Variants in MCHR2 observed in about 807,000 individuals in gnomAD.
MCHR2 encodes melanin-concentrating hormone receptor 2.
MCHR2 carries 15 observed loss-of-function variants against 24.8 expected under a neutral mutation model. The ratio of observed to expected loss-of-function variants is 0.60; its 90% confidence interval spans 0.40 to 0.93. The LOEUF (loss-of-function observed/expected upper bound fraction) is 0.93. Among genes scored for constraint, MCHR2 ranks in the 40% least tolerant of loss-of-function variants. The probability of loss-of-function intolerance (pLI) is 0.00; values close to 1 mark genes in which losing one functional copy is unlikely to be tolerated. For synonymous variants in MCHR2, 151 were observed against 147.6 expected, an observed-to-expected ratio of 1.02 and a Z score of -0.17; for missense variants, 386 against 408.7, an observed-to-expected ratio of 0.94 and a Z score of 0.48.
intron 5 of MCHR2, among the ~76,000 whole-genome samples, chr6:99,933,015 C>T (rs1262772623): frequency 1.4e-5 from 2 of 147,068 alleles, no homozygotes; most frequent in Non-Finnish European, 3.1e-5. Flanking sequence ...TACTATATCT[C>T]TACTATCTAC....
At chr6:99,923,044 T>G (rs1039127211) in intron 5 of MCHR2, among the ~76,000 whole-genome samples, 4 of 152,202 alleles carry the variant, frequency 2.6e-5, no homozygotes, top group African/African-American at 9.6e-5. Context: ...CTTTCCATTT[T>G]TTGGTGTCCT....
At chr6:99,958,562 G>T (rs1394052774) in intron 1 of MCHR2, among the ~76,000 whole-genome samples, 1 of 151,714 alleles carries the variant, frequency 6.6e-6, no homozygotes, top group African/African-American at 2.4e-5. Context: ...TTCATTAAAA[G>T]ACACCATCAA....
chr6:99,940,990 C>T (rs1379295249), intron 4 of MCHR2, among the ~76,000 whole-genome samples: 2 of 152,140 alleles, frequency 1.3e-5, no homozygotes, highest in African/African-American at 4.8e-5. Context: ...CCTACTTTGT[C>T]TCTGCCTGTT....
chr6:99,973,110 G>T (rs1440294990), intron 1 of MCHR2, among the ~76,000 whole-genome samples: 1 of 151,466 alleles, frequency 6.6e-6, no homozygotes, highest in African/African-American at 2.4e-5. Flanking sequence ...TCAATTCCTG[G>T]GTATCCTTGT....
rs111841511 is a variant in MCHR2 at position 99,984,167 on chromosome 6, T to C, written c.-28+9769A>G. Among the ~76,000 whole-genome samples the C allele has an allele frequency of 2.0e-5, 3 of 152,294 alleles. 1 individual carries two copies. The highest frequency in any genetic ancestry group is 7.2e-5 in the African/African-American group (3 of 41,580). Reference sequence around the variant, plus strand: ...ATGCACATACACATATATACATACATATATATACACTTATACATGAAAGAG... The same window carrying C: ...ATGCACATACACATATATACATACACATATATACACTTATACATGAAAGAG... On this transcript the variant is annotated intron_variant, in intron 1 of 5. Transcript: ENST00000281806.
chr6:99,935,655 T>C (rs980365131), intron 4 of MCHR2, among the ~76,000 whole-genome samples: 6 of 152,058 alleles, frequency 3.9e-5, no homozygotes, highest in African/African-American at 1.4e-4. Flanking sequence ...TTGTGAACAG[T>C]ACAGCAATAA....
At chr6:99,983,993 C>G (rs1775721378) in intron 1 of MCHR2, among the ~76,000 whole-genome samples, 1 of 152,046 alleles carries the variant, frequency 6.6e-6, no homozygotes, top group Non-Finnish European at 1.5e-5. Flanking sequence ...ATTAGGTATT[C>G]TTTAGCTGGT....
chr6:99,921,355 AGTGAAATATG>A, intron 5 of MCHR2, 100 bp from the exon 6 acceptor site: 1 of 996,594 alleles, frequency 1.0e-6, no homozygotes, highest in Non-Finnish European at 1.5e-6. Context: ...ATGGCTTTGT[AGTGAAATATG>A]AAGCTCATTA....
At chr6:99,931,285 G>A (rs1449321359) in intron 5 of MCHR2, among the ~76,000 whole-genome samples, 1 of 152,156 alleles carries the variant, frequency 6.6e-6, no homozygotes, top group Non-Finnish European at 1.5e-5. Flanking sequence ...CGGGGGTCAG[G>A]GGTCAGGGAC....
In MCHR2 at chr6:99,972,802, C is replaced by G. The variant is rs544799842; in HGVS notation, c.-27-16628G>C. Among the ~76,000 whole-genome samples the G allele has an allele frequency of 9.9e-5, 15 of 152,058 alleles. No homozygotes were observed. In the East Asian group the frequency reaches 2.3e-3, roughly 24 times the overall value. On this transcript the variant is annotated intron_variant, in intron 1 of 5. Transcript: ENST00000281806. ...GTTTCAAAGAGCATCTTTATTTCTGCCTTCATTTTGTTATGTACCCAGTAG... is the reference window on the plus strand; with the variant it reads ...GTTTCAAAGAGCATCTTTATTTCTGGCTTCATTTTGTTATGTACCCAGTAG...
intron 1 of MCHR2, among the ~76,000 whole-genome samples, chr6:99,977,525 G>A (rs573544103): frequency 1.3e-5 from 2 of 152,128 alleles, no homozygotes; most frequent in South Asian, 4.2e-4. Context: ...TTTTGTCTTT[G>A]TGAGCCCATT....
At chr6:99,932,979 CCTCTGTACTGT>C (rs1304057267) in intron 5 of MCHR2, among the ~76,000 whole-genome samples, 1 of 151,988 alleles carries the variant, frequency 6.6e-6, no homozygotes, top group African/African-American at 2.4e-5. Context: ...ATTTGGGAAC[CCTCTGTACTGT>C]CTCTGTACTA....
intron 5 of MCHR2, among the ~76,000 whole-genome samples, chr6:99,926,114 T>C (rs1774351412): frequency 1.3e-5 from 2 of 152,120 alleles, no homozygotes; most frequent in Non-Finnish European, 2.9e-5. Context: ...GATAGTTTAC[T>C]GAGAATGATG....
chr6:99,972,890 C>G (rs1336102216), intron 1 of MCHR2, among the ~76,000 whole-genome samples: 1 of 152,072 alleles, frequency 6.6e-6, no homozygotes. Flanking sequence ...GTTTCTTAAT[C>G]TTGAGTTCTA....
intron 4 of MCHR2, among the ~76,000 whole-genome samples, chr6:99,937,507 T>C (rs1003101302): frequency 2.0e-5 from 3 of 152,066 alleles, no homozygotes; most frequent in Non-Finnish European, 2.9e-5. Context: ...ATGTATCAAA[T>C]TTATTGATTT....
In MCHR2 at chr6:99,925,880, A is replaced by T. The variant is rs533510484; in HGVS notation, c.708-4625T>A. ...TTAAGTTTTAGGGTACATGTGCACA[A>T]TGTGCAGGTTAGTTACATATGTATA... is the stretch of plus-strand genomic sequence containing the variant. On this transcript the variant is annotated intron_variant, in intron 5 of 5. Transcript: ENST00000281806. Among the ~76,000 whole-genome samples the T allele has an allele frequency of 1.1e-3, 171 of 151,322 alleles. 2 individuals are homozygous for T. Among genetic ancestry groups the T allele is most frequent in the African/African-American group, 4.1e-3 (168 of 41,288 alleles).
At chr6:99,959,398 G>T (rs1481413756) in intron 1 of MCHR2, among the ~76,000 whole-genome samples, 1 of 151,824 alleles carries the variant, frequency 6.6e-6, no homozygotes, top group Non-Finnish European at 1.5e-5. Flanking sequence ...CCTGTCTGGA[G>T]CCAGTCTACA....
chr6:99,980,203 G>A (rs9389930), intron 1 of MCHR2, among the ~76,000 whole-genome samples: 49,660 of 152,054 alleles, frequency 0.33, 9,108 homozygotes, highest in South Asian at 0.53. Context: ...TTAAACACTA[G>A]TTCTCAGGTA....
intron 1 of MCHR2, among the ~76,000 whole-genome samples, chr6:99,966,504 C>G (rs192392965): frequency 2.7e-4 from 41 of 152,256 alleles, no homozygotes; most frequent in Non-Finnish European, 5.4e-4. Flanking sequence ...TGTCTTTCTT[C>G]TTGTTTTGTG....
Sources: allele counts gnomAD v4.1 joint callset (sites outside exome capture counted in the v4.1 genomes callset), GRCh38; gene constraint gnomAD v4.1.1; transcripts MANE v1.5; gene names NCBI Gene and HGNC (gene_info 2026-07-23, HGNC 2026-07-21).